ZNF346: variants seen among roughly 807,000 people sequenced by gnomAD.
ZNF346 encodes double-stranded RNA-binding zinc finger protein JAZ.
Under a neutral mutation model 33.7 loss-of-function variants are expected in ZNF346, and 23 were observed. The observed-to-expected ratio is 0.68, with a 90% confidence interval of 0.49 to 0.97. The LOEUF is 0.97. ZNF346 is among the 50% of genes least tolerant of loss of function. The pLI is 0.00. For synonymous variants in ZNF346, 134 were observed against 142.4 expected, an observed-to-expected ratio of 0.94 and a Z score of 0.42; for missense variants, 340 against 371.1, an observed-to-expected ratio of 0.92 and a Z score of 0.69.
intron 5 of ZNF346, among the ~76,000 whole-genome samples, chr5:177,061,661 T>G (rs1209772892): frequency 6.6e-6 from 1 of 152,186 alleles, no homozygotes; most frequent in African/African-American, 2.4e-5. Context: ...CACTAATTAC[T>G]GTTACCGCAA....
chr5:177,049,900 A>G (rs181182441), intron 4 of ZNF346, among the ~76,000 whole-genome samples: 3 of 151,934 alleles, frequency 2.0e-5, no homozygotes, highest in African/African-American at 7.2e-5. Flanking sequence ...GCAGTGGCGC[A>G]ATCTCGGCTC....
chr5:177,057,808 A>ATTTG (rs1781924865), intron 5 of ZNF346, among the ~76,000 whole-genome samples: 1 of 112,646 alleles, frequency 8.9e-6, no homozygotes, highest in African/African-American at 3.3e-5. Context: ...TTATTTATTT[A>ATTTG]TTTATTTATT....
At chr5:177,061,109 C>CA (rs200919128) in intron 5 of ZNF346, among the ~76,000 whole-genome samples, 2,992 of 144,466 alleles carry the variant, frequency 0.021, 47 homozygotes, top group Non-Finnish European at 0.032. Context: ...AAGACTGTCT[C>CA]AAAAAAAAAC....
At position 177,034,378 on chromosome 5, in the gene ZNF346, G is replaced by A. The variant is rs558956256; in HGVS notation, c.176-6748G>A. 1.4e-4 allele frequency among the ~76,000 whole-genome samples: 22 copies of A among 151,730 alleles called. No homozygotes were observed. In the South Asian group the frequency reaches 4.0e-3, roughly 27 times the overall value. On this transcript the variant is annotated intron_variant, in intron 1 of 6. Coordinates refer to ENST00000358149, the MANE Select transcript of ZNF346 (RefSeq NM_012279.4). ...AGCTGGGACTGTAGGTGTGCACCACGACACTCAGCTAATCTTTTTTGGTTT... is the reference window on the plus strand; with the variant it reads ...AGCTGGGACTGTAGGTGTGCACCACAACACTCAGCTAATCTTTTTTGGTTT...
chr5:177,034,898 C>T (rs951451441), intron 1 of ZNF346, among the ~76,000 whole-genome samples: 32 of 152,232 alleles, frequency 2.1e-4, no homozygotes, highest in African/African-American at 7.7e-4. Flanking sequence ...GTGAAGGAGC[C>T]TCAGAGACTG....
rs1695916118 is a variant in ZNF346, at chr5:177,066,658, A to G, written c.*2059A>G. 2.6e-5 allele frequency among the ~76,000 whole-genome samples: 4 copies of G among 152,052 alleles called. No homozygotes were observed. The South Asian group carries it at 8.3e-4, about 32-fold the overall frequency. Reference sequence around the variant, plus strand: ...TAAGGCAGAAAGACCATTCAAGCCCAGGAGTTCCAGCCTGAAGTATGCTGT... The same window carrying G: ...TAAGGCAGAAAGACCATTCAAGCCCGGGAGTTCCAGCCTGAAGTATGCTGT... On this transcript the variant is annotated 3_prime_UTR_variant, in exon 7 of 7. Coordinates refer to ENST00000358149, the MANE Select transcript of ZNF346 (RefSeq NM_012279.4).
At chr5:177,028,994 C>T (rs900213612) in intron 1 of ZNF346, among the ~76,000 whole-genome samples, 4 of 151,840 alleles carry the variant, frequency 2.6e-5, no homozygotes, top group Admixed American at 6.6e-5. Flanking sequence ...GCTGGGATTA[C>T]AGGCGTGAGC....
chr5:177,066,758 T>A lies in ZNF346; in HGVS notation c.*2159T>A, dbSNP rs1327013253. Among the ~76,000 whole-genome samples the A allele has an allele frequency of 1.4e-5, 2 of 146,820 alleles. No individual in the cohort carries two copies. The highest frequency in any genetic ancestry group is 5.1e-5 in the African/African-American group (2 of 39,570). ...GACTCTATCTAAAAAAAAAAAAAAATTATAAAAATAAATTTGAAGGCTGGG... is the reference window on the plus strand; with the variant it reads ...GACTCTATCTAAAAAAAAAAAAAAAATATAAAAATAAATTTGAAGGCTGGG... On this transcript the variant is annotated 3_prime_UTR_variant, in exon 7 of 7. Coordinates refer to ENST00000358149, the MANE Select transcript of ZNF346 (RefSeq NM_012279.4).
At chr5:177,039,920 C>A (rs1486175503) in intron 1 of ZNF346, among the ~76,000 whole-genome samples, 1 of 151,954 alleles carries the variant, frequency 6.6e-6, no homozygotes, top group Non-Finnish European at 1.5e-5. Context: ...GTGGCTCACG[C>A]CTGTAATCCC....
rs140614049 is a variant in ZNF346, at chr5:177,060,018, C to T, written c.704-2040C>T. 1.4e-4 allele frequency among the ~76,000 whole-genome samples: 21 copies of T among 152,264 alleles called. No homozygotes were observed. The East Asian group carries it at 3.9e-3, about 28-fold the overall frequency. On this transcript the variant is annotated intron_variant, in intron 5 of 6. Transcript: ENST00000358149. Reference sequence around the variant, plus strand: ...AGAGGGCAAGTAGGATAGTATGGGACGTAGTGACGCGGAGGACATGAGCAG... The same window carrying T: ...AGAGGGCAAGTAGGATAGTATGGGATGTAGTGACGCGGAGGACATGAGCAG...
In ZNF346 at chr5:177,061,646, G is replaced by A. The variant is rs145704676; in HGVS notation, c.704-412G>A. On this transcript the variant is annotated intron_variant, in intron 5 of 6. Coordinates refer to ENST00000358149, the MANE Select transcript of ZNF346 (RefSeq NM_012279.4). ...AGACAGATTGATTATCATAACCAGCGTTCTCACTAATTACTGTTACCGCAA... is the reference window on the plus strand; with the variant it reads ...AGACAGATTGATTATCATAACCAGCATTCTCACTAATTACTGTTACCGCAA... Among the ~76,000 whole-genome samples, 95 of 152,280 alleles carry A rather than the reference G, an allele frequency of 6.2e-4. 1 individual carries two copies. Among genetic ancestry groups the A allele is most frequent in the African/African-American group, 2.2e-3 (90 of 41,550 alleles).
intron 1 of ZNF346, among the ~76,000 whole-genome samples, chr5:177,023,990 T>C (rs2149566894): frequency 6.7e-6 from 1 of 149,410 alleles, no homozygotes; most frequent in Admixed American, 6.7e-5. Flanking sequence ...TAAGTTTATA[T>C]ATATATATAA....
intron 1 of ZNF346, among the ~76,000 whole-genome samples, chr5:177,035,959 G>GTT (rs201601086): frequency 1.8e-3 from 262 of 145,240 alleles, no homozygotes; most frequent in Middle Eastern, 7.2e-3. Flanking sequence ...TTTTATCCAA[G>GTT]TTTTTTTTTT....
rs531610851 is a variant in ZNF346 at position 177,035,660 on chromosome 5, C to G, written c.176-5466C>G. ...TTTTTTTTTTTTTTTTTTTTTGAGA[C>G]AGTTTCACTGTGTCGCGCAGGCTGG... On this transcript the variant is annotated intron_variant, in intron 1 of 6. Coordinates refer to ENST00000358149, the MANE Select transcript of ZNF346 (RefSeq NM_012279.4). Among the ~76,000 whole-genome samples the G allele has an allele frequency of 3.4e-4, 40 of 116,820 alleles. 1 individual carries two copies. The highest frequency in any genetic ancestry group is 1.3e-3 in the African/African-American group (39 of 29,616). 76.6% of individuals were successfully genotyped at this position (116,820 alleles called of 152,430 possible). A position where few individuals can be genotyped will look rare whatever the true frequency, so the allele number is the denominator to read the frequency against.
chr5:177,034,203 C>CTTTTTT (rs34082036), intron 1 of ZNF346, among the ~76,000 whole-genome samples: 1 of 142,880 alleles, frequency 7.0e-6, no homozygotes, highest in African/African-American at 2.6e-5. Context: ...TCCTTTCTTT[C>CTTTTTT]TTTTTTTTTT....
intron 4 of ZNF346, among the ~76,000 whole-genome samples, chr5:177,049,885 G>A (rs1394933218): frequency 2.0e-5 from 3 of 151,912 alleles, no homozygotes; most frequent in Non-Finnish European, 4.4e-5. Flanking sequence ...CGCCCAGGCT[G>A]GAGTGCAGTG....
intron 1 of ZNF346, among the ~76,000 whole-genome samples, chr5:177,039,941 A>T (rs943389301): frequency 6.6e-6 from 1 of 151,824 alleles, no homozygotes; most frequent in Non-Finnish European, 1.5e-5. Flanking sequence ...AGCACTTTGG[A>T]AGGCCAAGGT....
intron 1 of ZNF346, 133 bp downstream of exon 1, chr5:177,023,046 C>T: frequency 6.9e-7 from 1 of 1,444,344 alleles, no homozygotes; most frequent in Non-Finnish European, 9.3e-7. Flanking sequence ...CAGACTTGTG[C>T]TCCCCATCCG....
At position 177,022,700 on chromosome 5, in the gene ZNF346, G is replaced by A. The variant is rs1262518514; in HGVS notation, c.-39G>A. ...CCACCAAATCTCGCGATACCTAGGC[G>A]CCTGAGAGGCTCTCTACCGGTGAGG... On this transcript the variant is annotated 5_prime_UTR_variant, in exon 1 of 7. Coordinates refer to ENST00000358149, the MANE Select transcript of ZNF346 (RefSeq NM_012279.4). 6.7e-7 allele frequency: 1 copy of A among 1,493,392 alleles called. No individual in the cohort carries two copies. Among genetic ancestry groups the A allele is most frequent in the Non-Finnish European group, 8.9e-7 (1 of 1,128,132 alleles). The allele number at this position is 1,493,392 out of a possible 1,614,324, so 92.5% of individuals were successfully genotyped here. A position where few individuals can be genotyped will look rare whatever the true frequency, so the allele number is the denominator to read the frequency against.
Sources: gnomAD v4.1 joint callset for allele counts (sites outside exome capture counted in the v4.1 genomes callset) on GRCh38, gnomAD v4.1.1 for gene constraint, MANE v1.5 for transcripts, NCBI Gene and HGNC (gene_info 2026-07-23, HGNC 2026-07-21) for gene names.